ANAPC10: variants seen among roughly 807,000 people sequenced by gnomAD.
ANAPC10 encodes the protein anaphase-promoting complex subunit 10.
ANAPC10 carries 12 observed loss-of-function variants against 22.0 expected under a neutral mutation model. That is an observed-to-expected ratio of 0.55 (90% CI 0.35 to 0.88). The LOEUF (loss-of-function observed/expected upper bound fraction) is 0.88. Among genes scored for constraint, ANAPC10 ranks in the 40% least tolerant of loss-of-function variants. The probability of loss-of-function intolerance (pLI) is 0.01; values close to 1 mark genes in which losing one functional copy is unlikely to be tolerated. For missense variants in ANAPC10, 188 were observed against 220.9 expected, an observed-to-expected ratio of 0.85 and a Z score of 0.94; for synonymous variants, 65 against 69.5, an observed-to-expected ratio of 0.94 and a Z score of 0.32.
intron 4 of ANAPC10, among the ~76,000 whole-genome samples, chr4:145,020,596 GA>G (rs1191816989): frequency 6.6e-6 from 1 of 151,964 alleles, no homozygotes; most frequent in African/African-American, 2.4e-5. Context: ...TCAAACAAGC[GA>G]AAGAAATAAA....
chr4:145,041,972 C>A (rs927442866), intron 4 of ANAPC10, among the ~76,000 whole-genome samples: 2 of 152,056 alleles, frequency 1.3e-5, no homozygotes, highest in African/African-American at 4.8e-5. Context: ...TTATTAACTT[C>A]TATATAGAAA....
At chr4:145,090,384 T>C (rs1027949986) in intron 2 of ANAPC10, among the ~76,000 whole-genome samples, 21 of 152,218 alleles carry the variant, frequency 1.4e-4, no homozygotes, top group African/African-American at 3.9e-4. Flanking sequence ...AACCTACAGA[T>C]ATGGAAGGCT....
rs1306296701 is a variant in ANAPC10 at position 145,081,650 on chromosome 4, T to C, written c.206+10A>G. 6.3e-7 allele frequency: 1 copy of C among 1,583,538 alleles called. No individual in the cohort carries two copies. The highest frequency in any genetic ancestry group is 1.1e-5 in the South Asian group (1 of 87,352). On this transcript the variant is annotated intron_variant, in intron 3 of 4. Coordinates refer to ENST00000507656, the MANE Select transcript of ANAPC10 (RefSeq NM_001256706.2). ...ACAGTAGATGAAAAATTTGAAAATGTATTAATTACCTGAATTGGATGTTCA... is the reference window on the plus strand; with the variant it reads ...ACAGTAGATGAAAAATTTGAAAATGCATTAATTACCTGAATTGGATGTTCA...
At chr4:145,009,960 T>C (rs1271394860) in intron 4 of ANAPC10, among the ~76,000 whole-genome samples, 1 of 152,078 alleles carries the variant, frequency 6.6e-6, no homozygotes, top group African/African-American at 2.4e-5. Context: ...TACAAAGAAC[T>C]TAAACAAATT....
At chr4:145,021,263 T>C (rs1044795001) in intron 4 of ANAPC10, among the ~76,000 whole-genome samples, 3 of 152,184 alleles carry the variant, frequency 2.0e-5, no homozygotes, top group African/African-American at 7.2e-5. Context: ...TCACACTACC[T>C]GATTTCAAAC....
At chr4:145,044,184 A>C (rs1363671040) in intron 4 of ANAPC10, among the ~76,000 whole-genome samples, 3 of 152,136 alleles carry the variant, frequency 2.0e-5, no homozygotes, top group African/African-American at 7.2e-5. Context: ...CATGTAAATG[A>C]AGAAAGACTG....
intron 2 of ANAPC10, among the ~76,000 whole-genome samples, chr4:145,084,597 A>G (rs1180502452): frequency 6.6e-6 from 1 of 152,150 alleles, no homozygotes; most frequent in Non-Finnish European, 1.5e-5. Context: ...AAAAAAATTC[A>G]TAATGTTTCA....
intron 4 of ANAPC10, among the ~76,000 whole-genome samples, chr4:145,054,009 A>G (rs1321468002): frequency 1.3e-5 from 2 of 151,656 alleles, no homozygotes; most frequent in East Asian, 3.9e-4. Flanking sequence ...CCCAGGTTCA[A>G]GCGATTCTCC....
intron 4 of ANAPC10, among the ~76,000 whole-genome samples, chr4:145,009,500 G>C (rs998242501): frequency 9.9e-5 from 15 of 152,158 alleles, no homozygotes; most frequent in South Asian, 2.1e-4. Context: ...CAGAACAGAG[G>C]CCTCAGAAAT....
At chr4:145,069,474 G>C (rs935130939) in intron 3 of ANAPC10, among the ~76,000 whole-genome samples, 2 of 152,180 alleles carry the variant, frequency 1.3e-5, no homozygotes, top group Admixed American at 6.5e-5. Context: ...ACAATTACTG[G>C]AAAGCAGTAA....
chr4:145,014,860 A>C (rs1257252091), intron 4 of ANAPC10, among the ~76,000 whole-genome samples: 7 of 152,178 alleles, frequency 4.6e-5, no homozygotes, highest in Non-Finnish European at 7.3e-5. Context: ...CTCGGCTCTC[A>C]GGAAGCCACA....
chr4:145,000,875 T>C (rs1428984279), intron 4 of ANAPC10, among the ~76,000 whole-genome samples: 1 of 152,108 alleles, frequency 6.6e-6, no homozygotes, highest in Non-Finnish European at 1.5e-5. Flanking sequence ...TAAAAAAGGA[T>C]GAGTTCATGT....
At chr4:145,093,858 A>C (rs914510451) in intron 2 of ANAPC10, among the ~76,000 whole-genome samples, 1 of 152,244 alleles carries the variant, frequency 6.6e-6, no homozygotes, top group East Asian at 1.9e-4. Flanking sequence ...ATGGTCTAGC[A>C]TATGTATAAT....
intron 4 of ANAPC10, among the ~76,000 whole-genome samples, chr4:145,062,550 T>A (rs923097029): frequency 3.3e-5 from 5 of 151,970 alleles, no homozygotes; most frequent in African/African-American, 1.2e-4. Flanking sequence ...GAGGTTGCAG[T>A]GAGCCAAGAT....
At chr4:145,075,691 C>G (rs2126549491) in intron 3 of ANAPC10, among the ~76,000 whole-genome samples, 1 of 152,304 alleles carries the variant, frequency 6.6e-6, no homozygotes, top group Non-Finnish European at 1.5e-5. Context: ...GAGTAGTCCA[C>G]TCTCACCATG....
At chr4:145,005,212 G>A (rs961893744) in intron 4 of ANAPC10, among the ~76,000 whole-genome samples, 3 of 151,944 alleles carry the variant, frequency 2.0e-5, no homozygotes, top group African/African-American at 7.3e-5. Flanking sequence ...CACCATACCT[G>A]GCTAAAAAGA....
At chr4:145,065,894 A>G (rs1743603022) in intron 3 of ANAPC10, among the ~76,000 whole-genome samples, 1 of 152,006 alleles carries the variant, frequency 6.6e-6, no homozygotes, top group Non-Finnish European at 1.5e-5. Flanking sequence ...GGATGGGACC[A>G]TAGGAGATCT....
intron 2 of ANAPC10, among the ~76,000 whole-genome samples, chr4:145,095,655 G>A (rs1416113546): frequency 6.6e-6 from 1 of 152,074 alleles, no homozygotes; most frequent in Non-Finnish European, 1.5e-5. Context: ...ATCATCGCAG[G>A]AGGAAGGGTA....
intron 4 of ANAPC10, among the ~76,000 whole-genome samples, chr4:145,040,520 T>C (rs1231170039): frequency 6.6e-6 from 1 of 152,212 alleles, no homozygotes; most frequent in Non-Finnish European, 1.5e-5. Flanking sequence ...TACCATTCAC[T>C]GAGCTGCTAG....
Sources: allele counts gnomAD v4.1 joint callset (sites outside exome capture counted in the v4.1 genomes callset), GRCh38; gene constraint gnomAD v4.1.1; transcripts MANE v1.5; gene names NCBI Gene and HGNC (gene_info 2026-07-23, HGNC 2026-07-21).